HSCB: variants seen among roughly 807,000 people sequenced by gnomAD.
HSCB encodes the protein iron-sulfur cluster co-chaperone protein HscB.
In HSCB, 23 loss-of-function variants were observed where a neutral mutation model predicts 31.3. That is an observed-to-expected ratio of 0.74 (90% CI 0.53 to 1.04). HSCB has a LOEUF of 1.04. HSCB is among the 50% of genes least tolerant of loss of function. The pLI is 0.00. For synonymous variants in HSCB, 110 were observed against 104.5 expected (o/e 1.05, Z -0.32); for missense variants, 297 against 288.1 (o/e 1.03, Z -0.22).
chr22:28,753,036 G>A (rs1047526023), intron 5 of HSCB, among the ~76,000 whole-genome samples: 2 of 151,642 alleles, frequency 1.3e-5, no homozygotes, highest in African/African-American at 2.4e-5. Context: ...CCGAGATCAC[G>A]CCAATGCACT....
At chr22:28,749,448 T>C (rs2030073956) in intron 4 of HSCB, among the ~76,000 whole-genome samples, 1 of 152,184 alleles carries the variant, frequency 6.6e-6, no homozygotes, top group Non-Finnish European at 1.5e-5. Flanking sequence ...GCTATTTCTT[T>C]TGTAGGACTA....
rs2054677231 is a variant in HSCB at position 28,745,860 on chromosome 22, A to G, written c.424-4A>G. 1.3e-6 allele frequency: 2 copies of G among 1,599,956 alleles called. No individual in the cohort carries two copies. The highest frequency in any genetic ancestry group is 3.6e-5 in the Admixed American group (2 of 56,078). On this transcript the variant is annotated splice_polypyrimidine_tract_variant and splice_region_variant and intron_variant, in intron 3 of 5. Coordinates refer to ENST00000216027, the MANE Select transcript of HSCB (RefSeq NM_172002.5). ...CTTATTTTTCTTGCTTTCTACCCCA[A>G]TAGCTAAAGCTCCATGGAATAGAGA...
intron 5 of HSCB, among the ~76,000 whole-genome samples, chr22:28,752,620 G>A (rs942027099): frequency 3.3e-5 from 5 of 151,346 alleles, no homozygotes; most frequent in African/African-American, 9.7e-5. Flanking sequence ...TGTAGTCCCA[G>A]CTACTCGGGA....
intron 5 of HSCB, 29 bp from the exon 6 acceptor site, chr22:28,757,049 C>T (rs957838973): frequency 7.8e-7 from 1 of 1,276,206 alleles, no homozygotes; most frequent in Non-Finnish European, 1.1e-6. Context: ...TGAAATGAAG[C>T]CTGACTTCAG....
At position 28,742,212 on chromosome 22, in the gene HSCB, C is replaced by G. The variant is rs764931912; in HGVS notation, c.117C>G (p.Pro39=). The G allele has an allele frequency of 4.3e-6, 7 of 1,613,956 alleles. No homozygotes were observed. In the South Asian group the frequency reaches 7.7e-5, roughly 18 times the overall value. Residue 39 remains proline (P), a synonymous_variant, in exon 1 of 6, where the codon CCC becomes CCG. Coordinates refer to ENST00000216027, the MANE Select transcript of HSCB (RefSeq NM_172002.5). ...DAASQAGSNY[P]RCWNCGGPWG... Reference sequence around the variant, plus strand: ...CGTCGCAGGCGGGAAGCAATTATCCCCGCTGTTGGAACTGCGGCGGCCCAT... The same window carrying G: ...CGTCGCAGGCGGGAAGCAATTATCCGCGCTGTTGGAACTGCGGCGGCCCAT...
intron 1 of HSCB, 110 bp downstream of exon 1, chr22:28,742,441 G>A: frequency 6.7e-7 from 1 of 1,485,974 alleles, no homozygotes. Context: ...GGACTGATGG[G>A]GGGGCGGAGG....
In HSCB at chr22:28,748,679, A is replaced by G. The variant is rs576565285; in HGVS notation, c.569-2562A>G. On this transcript the variant is annotated intron_variant, in intron 4 of 5. Transcript: ENST00000216027. ...AGGTGCGTGCCACCATGCTTGGCTA[A>G]TTTTTCTATTTTTTTTAAGTAGTGA... is the stretch of plus-strand genomic sequence containing the variant. Among the ~76,000 whole-genome samples the G allele has an allele frequency of 3.3e-5, 5 of 151,138 alleles. No homozygotes were observed. The South Asian group carries it at 1.1e-3, about 32-fold the overall frequency.
chr22:28,756,864 C>G (rs1051466101), intron 5 of HSCB, among the ~76,000 whole-genome samples: 2 of 152,090 alleles, frequency 1.3e-5, no homozygotes, highest in Non-Finnish European at 2.9e-5. Flanking sequence ...GAATCCTGTA[C>G]ACATGCTCTT....
intron 4 of HSCB, among the ~76,000 whole-genome samples, chr22:28,748,465 C>T (rs947276747): frequency 6.6e-6 from 1 of 152,068 alleles, no homozygotes; most frequent in Non-Finnish European, 1.5e-5. Flanking sequence ...TCTAACAAAT[C>T]CCTTCACTGT....
intron 4 of HSCB, among the ~76,000 whole-genome samples, chr22:28,749,650 A>G (rs1601397599): frequency 6.6e-6 from 1 of 152,292 alleles, no homozygotes; most frequent in East Asian, 1.9e-4. Context: ...ATGAGAAAAG[A>G]TGTTTAAAGC....
chr22:28,742,592 G>A (rs1238474569), intron 1 of HSCB: 6 of 533,498 alleles, frequency 1.1e-5, no homozygotes, highest in Non-Finnish European at 1.6e-5. Context: ...GAGGAAATAG[G>A]GGGGCCGAGG....
intron 2 of HSCB, among the ~76,000 whole-genome samples, chr22:28,744,266 T>C (rs2054645212): frequency 6.6e-6 from 1 of 152,188 alleles, no homozygotes; most frequent in Non-Finnish European, 1.5e-5. Flanking sequence ...TATAAAACTT[T>C]GTGGGCCTGG....
intron 5 of HSCB, among the ~76,000 whole-genome samples, chr22:28,753,562 G>A (rs5997394): frequency 0.12 from 18,814 of 151,786 alleles, 1,236 homozygotes; most frequent in East Asian, 0.18. Flanking sequence ...ACACCAGCCG[G>A]GCACGGTGGC....
At chr22:28,755,318 G>A (rs2030536169) in intron 5 of HSCB, among the ~76,000 whole-genome samples, 1 of 151,864 alleles carries the variant, frequency 6.6e-6, no homozygotes, top group African/African-American at 2.4e-5. Context: ...GCTGAGGCAG[G>A]AGAATGGCGT....
At chr22:28,744,080 G>A in intron 2 of HSCB, 102 bp downstream of exon 2, 1 of 926,214 alleles carries the variant, frequency 1.1e-6, no homozygotes, top group Non-Finnish European at 1.8e-6. Context: ...TGGAAAATCA[G>A]CTGTGTCTGC....
At chr22:28,753,324 G>C (rs1001345952) in intron 5 of HSCB, among the ~76,000 whole-genome samples, 6 of 149,002 alleles carry the variant, frequency 4.0e-5, no homozygotes, top group African/African-American at 1.5e-4. Flanking sequence ...TCCGGAGTTC[G>C]AGACCTGCCT....
At chr22:28,742,409 C>G (rs2054585510) in intron 1 of HSCB, 78 bp downstream of exon 1, 1 of 1,556,686 alleles carries the variant, frequency 6.4e-7, no homozygotes, top group Admixed American at 1.8e-5. Flanking sequence ...GAGGACGGAT[C>G]TGGCTGGCGG....
At chr22:28,742,953 A>G (rs1569182030) in intron 1 of HSCB, among the ~76,000 whole-genome samples, 2 of 152,144 alleles carry the variant, frequency 1.3e-5, no homozygotes, top group Non-Finnish European at 2.9e-5. Flanking sequence ...GAAATAGGAC[A>G]GACTCTGGGA....
At chr22:28,753,716 T>C (rs2030415113) in intron 5 of HSCB, among the ~76,000 whole-genome samples, 1 of 151,746 alleles carries the variant, frequency 6.6e-6, no homozygotes, top group Non-Finnish European at 1.5e-5. Context: ...CGGGCACCTG[T>C]AGTCCCAGCT....
Sources: allele counts gnomAD v4.1 joint callset (sites outside exome capture counted in the v4.1 genomes callset), GRCh38; gene constraint gnomAD v4.1.1; transcripts MANE v1.5; gene names NCBI Gene and HGNC (gene_info 2026-07-23, HGNC 2026-07-21).